The following MYBPC1 variants were observed in gnomAD, a reference collection of about 807,000 sequenced individuals.
MYBPC1 encodes myosin-binding protein C, slow-type.
MYBPC1 carries 52 observed loss-of-function variants against 147.1 expected under a neutral mutation model. The ratio of observed to expected loss-of-function variants is 0.35; its 90% CI spans 0.28 to 0.45. The LOEUF is 0.45. Among genes scored for constraint, MYBPC1 ranks in the 20% least tolerant of loss-of-function variants. The pLI is 1.00. For missense variants in MYBPC1, 1,228 were observed against 1,440.3 expected, an observed-to-expected ratio of 0.85 and a Z score of 2.39; for synonymous variants, 477 against 475.9, an observed-to-expected ratio of 1.00 and a Z score of -0.03.
chr12:101,648,149 T>C lies in MYBPC1; in HGVS notation c.1195T>C (p.Trp399Arg), dbSNP rs761024200. ...GTCTGAAGATGATGCCAATGTAAAA[T>C]GGTAAATAGCCTTAATGAAGTCTGT... Reference protein sequence around the residue: ...EVSEDDANVKWFKNGEEIIPG... With the variant: ...EVSEDDANVKRFKNGEEIIPG... Residue 399 changes from tryptophan (W) to arginine (R), a missense_variant and splice_region_variant, in exon 14 of 32, where the codon TGG becomes CGG. Around this residue, in one of 2 missense-constraint regions of MYBPC1, gnomAD observed 1,077 missense variants for 1,314.2 expected, o/e 0.82. Transcript: ENST00000361466. The C allele has an allele frequency of 6.2e-7, 1 of 1,604,112 alleles. No individual in the cohort carries two copies. The highest frequency in any genetic ancestry group is 8.5e-7 in the Non-Finnish European group (1 of 1,171,634).
chr12:101,662,094 T>C (rs1028460439), intron 20 of MYBPC1, among the ~76,000 whole-genome samples: 1 of 152,116 alleles, frequency 6.6e-6, no homozygotes, highest in Admixed American at 6.5e-5. Flanking sequence ...AGTGACTAAG[T>C]TGCTATGGCT....
chr12:101,595,026 G>C lies in MYBPC1; in HGVS notation c.-45G>C, dbSNP rs746965307. ...CCTGTGGGGTTTCTGTCAACTAGTCGTGGAGGGAAGGAGACTCTTTAAAGA... is the reference window on the plus strand; with the variant it reads ...CCTGTGGGGTTTCTGTCAACTAGTCCTGGAGGGAAGGAGACTCTTTAAAGA... On this transcript the variant is annotated 5_prime_UTR_variant, in exon 1 of 32. Transcript: ENST00000361466. 3.1e-6 allele frequency: 5 copies of C among 1,603,000 alleles called. No individual in the cohort carries two copies. Among genetic ancestry groups the C allele is most frequent in the African/African-American group, 1.3e-5 (1 of 74,796 alleles).
At chr12:101,632,264 G>A (rs1890067186) in intron 8 of MYBPC1, 126 bp downstream of exon 8, 1 of 758,746 alleles carries the variant, frequency 1.3e-6, no homozygotes, top group Non-Finnish European at 2.4e-6. Context: ...GTTTCTGATT[G>A]TGGTAGTCTC....
In MYBPC1 at chr12:101,678,315, A is replaced by C. The variant is rs188767195; in HGVS notation, c.3246+77A>C. 6.5e-5 allele frequency: 102 copies of C among 1,579,138 alleles called. No individual in the cohort carries two copies. The African/African-American group carries it at 1.0e-3, about 16-fold the overall frequency. On this transcript the variant is annotated intron_variant, in intron 28 of 31. Coordinates refer to ENST00000361466, the MANE Select transcript of MYBPC1 (RefSeq NM_002465.4). ...TGTTATAATGTAAGTAACAATGTAA[A>C]CAAATCCAGCTGCTACTTGTGTCTT... is the stretch of plus-strand genomic sequence containing the variant.
intron 3 of MYBPC1, among the ~76,000 whole-genome samples, chr12:101,622,203 C>A (rs10507133): frequency 0.12 from 18,248 of 152,052 alleles, 1,137 homozygotes; most frequent in Middle Eastern, 0.15. Flanking sequence ...TAAGATGCTA[C>A]GTCATTCATA....
intron 10 of MYBPC1, among the ~76,000 whole-genome samples, chr12:101,640,014 CT>C (rs372568164): frequency 1.8e-4 from 27 of 152,040 alleles, no homozygotes; most frequent in African/African-American, 6.3e-4. Flanking sequence ...ACATATACAT[CT>C]TTTTTGGGTT....
In MYBPC1 at chr12:101,684,427, A is replaced by G. The variant is rs2303628; in HGVS notation, c.*19+3A>G. On this transcript the variant is annotated splice_donor_region_variant and intron_variant, in intron 31 of 31. Coordinates refer to ENST00000361466, the MANE Select transcript of MYBPC1 (RefSeq NM_002465.4). ...TTGAATGTATAATATCATCTAAGGT[A>G]AGCTTTCATATGGTTTTGGCATATG... The G allele has an allele frequency of 1.5e-3, 2,409 of 1,580,218 alleles. 73 individuals carry two copies. The East Asian group carries it at 0.045, about 30-fold the overall frequency.
intron 1 of MYBPC1, among the ~76,000 whole-genome samples, chr12:101,604,863 G>C (rs1016273999): frequency 1.3e-5 from 2 of 152,134 alleles, no homozygotes; most frequent in East Asian, 3.8e-4. Flanking sequence ...CGCCATTCCA[G>C]GTAATTAATC....
chr12:101,600,213 C>A (rs1879313536), intron 1 of MYBPC1: 1 of 152,018 alleles, frequency 6.6e-6, no homozygotes, highest in Admixed American at 6.6e-5. Context: ...TCTAAGGAAT[C>A]CAGGAGGGTG....
intron 8 of MYBPC1, among the ~76,000 whole-genome samples, chr12:101,633,143 T>C (rs1285988931): frequency 6.6e-6 from 1 of 152,142 alleles, no homozygotes; most frequent in Non-Finnish European, 1.5e-5. Context: ...AGTGATGTCT[T>C]TAGCCGTGGT....
chr12:101,694,245 A>C, the MYBPC1 span, among the ~76,000 whole-genome samples: 1 of 152,340 alleles, frequency 6.6e-6, no homozygotes, highest in East Asian at 1.9e-4. Context: ...AGTAACCACT[A>C]TCAGGATTGT....
intron 11 of MYBPC1, 80 bp from the exon 12 acceptor site, chr12:101,644,584 C>A (rs1892678650): frequency 2.3e-6 from 3 of 1,317,174 alleles, no homozygotes; most frequent in Non-Finnish European, 3.3e-6. Context: ...CTTTTAGGTT[C>A]TCCTACATGT....
At position 101,631,677 on chromosome 12, in the gene MYBPC1, G is replaced by A. The variant is rs751595694; in HGVS notation, c.396G>A (p.Gly132=). 5 of 1,614,092 alleles carry A rather than the reference G, an allele frequency of 3.1e-6. No homozygotes were observed. The Admixed American group carries it at 8.3e-5, about 27-fold the overall frequency. ...GKWMDLASKA[G]KHLQLKETFE... is the part of the protein sequence containing the mutation. ...GGATGGACCTGGCCAGCAAAGCCGG[G>A]AAGCACCTTCAGCTGAAGGAAACCT... Residue 132 remains glycine, a synonymous_variant, in exon 7 of 32, where the codon GGG becomes GGA. Transcript: ENST00000361466.
intron 18 of MYBPC1, among the ~76,000 whole-genome samples, chr12:101,655,608 A>G (rs1167611248): frequency 6.6e-6 from 1 of 152,230 alleles, no homozygotes; most frequent in Non-Finnish European, 1.5e-5. Context: ...GCAAACTGCC[A>G]AAATGTGAGA....
chr12:101,666,483 T>A, intron 22 of MYBPC1: 1 of 441,402 alleles, frequency 2.3e-6, no homozygotes. Flanking sequence ...GCCTCCTTTC[T>A]CCTCTTCTCT....
chr12:101,687,899 G>A (rs2136980718), downstream of MYBPC1, among the ~76,000 whole-genome samples: 1 of 152,248 alleles, frequency 6.6e-6, no homozygotes, highest in South Asian at 2.1e-4. Flanking sequence ...TTTTGTACTA[G>A]ATAATGTTAC....
In MYBPC1 at chr12:101,644,653, T is replaced by A; in HGVS notation, c.833-11T>A. On this transcript the variant is annotated splice_polypyrimidine_tract_variant and intron_variant, in intron 11 of 31. Coordinates refer to ENST00000361466, the MANE Select transcript of MYBPC1 (RefSeq NM_002465.4). ...TATATTAACATACTTTTGCTTCTTCTATTCTATCAGCTTTTGCAAAAATTC... is the reference window on the plus strand; with the variant it reads ...TATATTAACATACTTTTGCTTCTTCAATTCTATCAGCTTTTGCAAAAATTC... The A allele has an allele frequency of 6.2e-7, 1 of 1,609,456 alleles. No individual in the cohort carries two copies. The highest frequency in any genetic ancestry group is 8.5e-7 in the Non-Finnish European group (1 of 1,175,770).
chr12:101,661,968 G>T (rs1019620986), intron 20 of MYBPC1, among the ~76,000 whole-genome samples: 1 of 150,652 alleles, frequency 6.6e-6, no homozygotes, highest in African/African-American at 2.4e-5. Flanking sequence ...TATGCCATGA[G>T]AATTTTTTCT....
chr12:101,681,527 AG>A (rs1389737338), intron 29 of MYBPC1, among the ~76,000 whole-genome samples: 1 of 130,374 alleles, frequency 7.7e-6, no homozygotes, highest in African/African-American at 2.8e-5. Context: ...TAAATATGAG[AG>A]GGAAACTTCT....
Sources: allele counts gnomAD v4.1 joint callset (sites outside exome capture counted in the v4.1 genomes callset), GRCh38; gene constraint gnomAD v4.1.1; regional missense constraint gnomAD v4.1.1; transcripts MANE v1.5; gene names NCBI Gene and HGNC (gene_info 2026-07-23, HGNC 2026-07-21).